RIMS1: variants seen among roughly 807,000 people sequenced by gnomAD.
The protein encoded by RIMS1 is regulating synaptic membrane exocytosis protein 1.
RIMS1 carries 83 observed loss-of-function variants against 214.1 expected under a neutral mutation model. The observed-to-expected ratio is 0.39, with a 90% CI of 0.32 to 0.47. RIMS1 has a LOEUF of 0.47. Ranked by LOEUF, RIMS1 falls within the 20% of genes least tolerant of loss-of-function variation. The pLI is 0.99. For missense variants in RIMS1, 2,050 were observed against 2,161.8 expected (o/e 0.95, Z 1.03); for synonymous variants, 793 against 786.8 (o/e 1.01, Z -0.13).
intron 1 of RIMS1, among the ~76,000 whole-genome samples, chr6:71,923,095 A>G (rs956477236): frequency 3.9e-5 from 6 of 152,100 alleles, no homozygotes; most frequent in Admixed American, 2.0e-4. Flanking sequence ...TCCTCCCACA[A>G]CTTCCATCCT....
chr6:72,071,057 A>G (rs1339750705), intron 2 of RIMS1, among the ~76,000 whole-genome samples: 1 of 152,214 alleles, frequency 6.6e-6, no homozygotes, highest in Non-Finnish European at 1.5e-5. Flanking sequence ...AAGTTTGCCT[A>G]TGGTGATGAG....
chr6:71,989,544 C>G (rs542063070), intron 2 of RIMS1, among the ~76,000 whole-genome samples: 1 of 152,192 alleles, frequency 6.6e-6, no homozygotes, highest in Non-Finnish European at 1.5e-5. Context: ...CATCTCAAAG[C>G]ATGAGAAAAA....
At chr6:72,276,121 A>G (rs774132057) in intron 23 of RIMS1, among the ~76,000 whole-genome samples, 8 of 152,300 alleles carry the variant, frequency 5.3e-5, no homozygotes, top group Non-Finnish European at 1.2e-4. Context: ...GGTGAGGTGC[A>G]CACACAGTCT....
At chr6:72,367,277 A>C (rs1406786921) in intron 29 of RIMS1, among the ~76,000 whole-genome samples, 2 of 152,142 alleles carry the variant, frequency 1.3e-5, no homozygotes, top group East Asian at 3.8e-4. Flanking sequence ...TCTTATTTAA[A>C]ATTTGTCAGC....
At chr6:71,960,189 T>C (rs1029152411) in intron 1 of RIMS1, among the ~76,000 whole-genome samples, 1 of 152,162 alleles carries the variant, frequency 6.6e-6, no homozygotes, top group Non-Finnish European at 1.5e-5. Flanking sequence ...AAGTTGATGT[T>C]ATTGCCTACT....
intron 25 of RIMS1, among the ~76,000 whole-genome samples, chr6:72,291,596 G>A (rs974303937): frequency 2.0e-5 from 3 of 152,106 alleles, no homozygotes; most frequent in Non-Finnish European, 2.9e-5. Context: ...AAGATCCAGA[G>A]GCTGTAATTA....
intron 6 of RIMS1, among the ~76,000 whole-genome samples, chr6:72,204,894 A>G (rs935371380): frequency 6.6e-6 from 1 of 152,152 alleles, no homozygotes; most frequent in Non-Finnish European, 1.5e-5. Flanking sequence ...TGGGTTTGAA[A>G]AAGGGTAACT....
chr6:72,067,458 C>G (rs1256328735), intron 2 of RIMS1, among the ~76,000 whole-genome samples: 1 of 152,176 alleles, frequency 6.6e-6, no homozygotes, highest in Non-Finnish European at 1.5e-5. Flanking sequence ...ATTTTCATCT[C>G]TATTCAAATT....
chr6:72,241,165 T>C (rs1235513581), intron 9 of RIMS1, among the ~76,000 whole-genome samples: 1 of 152,214 alleles, frequency 6.6e-6, no homozygotes, highest in African/African-American at 2.4e-5. Flanking sequence ...ATTTTCCTAC[T>C]TTTATTTAAA....
chr6:72,213,550 TAGC>T (rs1014736866), intron 6 of RIMS1, among the ~76,000 whole-genome samples: 1 of 151,980 alleles, frequency 6.6e-6, no homozygotes, highest in African/African-American at 2.4e-5. Flanking sequence ...TAAAAAAAAA[TAGC>T]AGGCTACCTA....
chr6:71,919,414 A>G (rs1455006566), intron 1 of RIMS1, among the ~76,000 whole-genome samples: 2 of 152,140 alleles, frequency 1.3e-5, no homozygotes, highest in African/African-American at 4.8e-5. Flanking sequence ...AAGGAAAAAA[A>G]AACAATTATG....
intron 6 of RIMS1, among the ~76,000 whole-genome samples, chr6:72,215,680 C>T (rs1431304728): frequency 2.0e-5 from 3 of 152,110 alleles, no homozygotes; most frequent in East Asian, 1.9e-4. Flanking sequence ...CCAACAATAA[C>T]TTGGTCAGGT....
chr6:72,249,261 A>G (rs1164999204), intron 12 of RIMS1, among the ~76,000 whole-genome samples: 1 of 152,240 alleles, frequency 6.6e-6, no homozygotes, highest in Non-Finnish European at 1.5e-5. Context: ...TTAAAGTGTC[A>G]TCACCACTGC....
rs535966410 is a variant in RIMS1 at position 72,118,791 on chromosome 6, C to G, written c.471+18805C>G. On this transcript the variant is annotated intron_variant, in intron 4 of 33. Transcript: ENST00000521978. ...TCCAGCATTCCTTTACGATAAAAAT[C>G]CTCAACAACATAGTCATAAAAGGTA... Among the ~76,000 whole-genome samples the G allele has an allele frequency of 2.0e-5, 3 of 151,424 alleles. No individual in the cohort carries two copies. The South Asian group carries it at 6.3e-4, about 32-fold the overall frequency.
At chr6:72,098,386 C>T (rs2032524145) in intron 3 of RIMS1, among the ~76,000 whole-genome samples, 1 of 151,922 alleles carries the variant, frequency 6.6e-6, no homozygotes, top group Non-Finnish European at 1.5e-5. Context: ...TCTCCACCTC[C>T]TGGATTCAAG....
At chr6:72,037,078 T>C (rs1367204763) in intron 2 of RIMS1, among the ~76,000 whole-genome samples, 3 of 152,028 alleles carry the variant, frequency 2.0e-5, no homozygotes, top group Non-Finnish European at 4.4e-5. Flanking sequence ...TTTGCCATTA[T>C]AAAATCCTTA....
chr6:72,183,801 GA>G (rs1447490968), intron 6 of RIMS1, among the ~76,000 whole-genome samples: 5 of 151,894 alleles, frequency 3.3e-5, no homozygotes, highest in African/African-American at 1.2e-4. Context: ...GGTATGTCAT[GA>G]ATGCATACTA....
rs575401251 is a variant in RIMS1, at chr6:72,238,869, G to T, written c.1957+947G>T. Among the ~76,000 whole-genome samples, 138 of 152,034 alleles carry T rather than the reference G, an allele frequency of 9.1e-4. 1 individual carries two copies. The highest frequency in any genetic ancestry group is 3.1e-3 in the African/African-American group (130 of 41,494). ...TTCTAGGACTCTTAAAGACTTTTCAGTATATTTGTTTACCAGGATATCAGT... is the reference window on the plus strand; with the variant it reads ...TTCTAGGACTCTTAAAGACTTTTCATTATATTTGTTTACCAGGATATCAGT... On this transcript the variant is annotated intron_variant, in intron 9 of 33. Coordinates refer to ENST00000521978, the MANE Select transcript of RIMS1 (RefSeq NM_014989.7).
intron 29 of RIMS1, chr6:72,365,834 C>G (rs970980517): frequency 1.3e-5 from 2 of 152,202 alleles, no homozygotes; most frequent in African/African-American, 4.8e-5. Flanking sequence ...CCTGTTGTTT[C>G]CATATTCCTT....
Sources: allele counts gnomAD v4.1 joint callset (sites outside exome capture counted in the v4.1 genomes callset), GRCh38; gene constraint gnomAD v4.1.1; transcripts MANE v1.5; gene names NCBI Gene and HGNC (gene_info 2026-07-23, HGNC 2026-07-21).